RGS7: variants seen among roughly 807,000 people sequenced by gnomAD.
The protein encoded by RGS7 is regulator of G protein signaling 7.
In RGS7, 27 loss-of-function variants were observed where a neutral mutation model predicts 81.1. The observed-to-expected ratio is 0.33, with a 90% confidence interval of 0.25 to 0.46. The LOEUF (loss-of-function observed/expected upper bound fraction) is 0.46, where lower values mean the gene tolerates loss of function less well. RGS7 is among the 20% of genes least tolerant of loss of function. The probability of loss-of-function intolerance (pLI) is 1.00; values close to 1 mark genes in which losing one functional copy is unlikely to be tolerated. For synonymous variants in RGS7, 208 were observed against 207.7 expected, an observed-to-expected ratio of 1.00 and a Z score of -0.01; for missense variants, 396 against 607.4, an observed-to-expected ratio of 0.65 and a Z score of 3.66.
chr1:240,872,855 G>A (rs1157037895), intron 6 of RGS7, among the ~76,000 whole-genome samples: 1 of 152,130 alleles, frequency 6.6e-6, no homozygotes, highest in Non-Finnish European at 1.5e-5. Flanking sequence ...GAGATGGGTG[G>A]ATCACAAGGT....
intron 2 of RGS7, among the ~76,000 whole-genome samples, chr1:241,324,284 GA>G: frequency 6.6e-6 from 1 of 151,758 alleles, no homozygotes; most frequent in East Asian, 1.9e-4. Flanking sequence ...TTAAACCTTA[GA>G]TGTTTTGCCT....
intron 6 of RGS7, among the ~76,000 whole-genome samples, chr1:240,887,110 G>T (rs1667461945): frequency 6.6e-6 from 1 of 151,984 alleles, no homozygotes; most frequent in Admixed American, 6.5e-5. Context: ...GTAATGTATG[G>T]AATTACTAGA....
Position 240,821,482 on chromosome 1 carries a change from T to G in RGS7, c.685-5067A>C, listed in dbSNP as rs573173975. Among the ~76,000 whole-genome samples the G allele has an allele frequency of 2.0e-5, 3 of 152,254 alleles. No individual in the cohort carries two copies. The East Asian group carries it at 5.8e-4, about 29-fold the overall frequency. On this transcript the variant is annotated intron_variant, in intron 10 of 18. Coordinates refer to ENST00000440928, the MANE Select transcript of RGS7 (RefSeq NM_001364886.1). ...AAAAGAAAACTCCCCTCTTTATTCA[T>G]TTTCATTTGAGCAGTTTCTATTGCC... is the stretch of plus-strand genomic sequence containing the variant.
At chr1:241,213,377 G>A (rs1264575165) in intron 2 of RGS7, among the ~76,000 whole-genome samples, 1 of 152,124 alleles carries the variant, frequency 6.6e-6, no homozygotes, top group Non-Finnish European at 1.5e-5. Context: ...ATGTAAAAGC[G>A]AACCAAATAT....
chr1:241,273,023 G>A (rs1355525822), intron 2 of RGS7, among the ~76,000 whole-genome samples: 1 of 151,786 alleles, frequency 6.6e-6, no homozygotes, highest in Non-Finnish European at 1.5e-5. Flanking sequence ...TGTGTAATCT[G>A]TCCAATAATT....
rs2075504619 is a variant in RGS7 at position 241,229,219 on chromosome 1, CG to C, written c.78+126479del. Among the ~76,000 whole-genome samples the C allele has an allele frequency of 2.0e-5, 3 of 152,284 alleles. No homozygotes were observed. In the South Asian group the frequency reaches 6.2e-4, roughly 32 times the overall value. On this transcript the variant is annotated intron_variant, in intron 2 of 18. Coordinates refer to ENST00000440928, the MANE Select transcript of RGS7 (RefSeq NM_001364886.1). Reference sequence around the variant, plus strand: ...TGATAAAGCCAGAACAGATGGCCCACGGACTTCTGGTTCAGACCTTGCTCCC... The same window carrying C: ...TGATAAAGCCAGAACAGATGGCCCACGACTTCTGGTTCAGACCTTGCTCCC...
At chr1:241,037,247 T>C (rs1042409936) in intron 3 of RGS7, among the ~76,000 whole-genome samples, 4 of 152,166 alleles carry the variant, frequency 2.6e-5, no homozygotes, top group African/African-American at 9.7e-5. Context: ...AGACAAAACA[T>C]TTGTTAAGTC....
At chr1:241,067,686 T>C (rs1022523344) in intron 3 of RGS7, among the ~76,000 whole-genome samples, 3 of 151,914 alleles carry the variant, frequency 2.0e-5, no homozygotes, top group Non-Finnish European at 4.4e-5. Context: ...CAGCTAATTT[T>C]TTATTTTTAA....
intron 3 of RGS7, among the ~76,000 whole-genome samples, chr1:241,039,890 T>A (rs2060520103): frequency 6.6e-6 from 1 of 152,222 alleles, no homozygotes; most frequent in South Asian, 2.1e-4. Flanking sequence ...ACATGTTCAA[T>A]AAATAAACCT....
rs543477133 is a variant in RGS7 at position 241,190,063 on chromosome 1, A to C, written c.79-91301T>G. ...GCTTGCAGTGAGCCGAGATGGCGCC[A>C]CTGCACTCCAGCCTGGGCGACAGAG... On this transcript the variant is annotated intron_variant, in intron 2 of 18. Coordinates refer to ENST00000440928, the MANE Select transcript of RGS7 (RefSeq NM_001364886.1). 5.9e-3 allele frequency among the ~76,000 whole-genome samples: 894 copies of C among 152,208 alleles called. 12 individuals carry two copies. The highest frequency in any genetic ancestry group is 0.019 in the African/African-American group (784 of 41,514).
At chr1:241,073,911 T>A (rs1029382693) in intron 3 of RGS7, among the ~76,000 whole-genome samples, 2 of 152,062 alleles carry the variant, frequency 1.3e-5, no homozygotes, top group Non-Finnish European at 2.9e-5. Flanking sequence ...GTTCCTTTTT[T>A]TTTTTTTTTG....
chr1:240,961,119 A>G (rs997643515), intron 4 of RGS7, among the ~76,000 whole-genome samples: 2 of 152,210 alleles, frequency 1.3e-5, no homozygotes, highest in Non-Finnish European at 2.9e-5. Context: ...TAAAAGTAAT[A>G]AAAATTATCT....
intron 18 of RGS7, among the ~76,000 whole-genome samples, chr1:240,785,894 C>A (rs1021862569): frequency 2.0e-5 from 3 of 152,000 alleles, no homozygotes; most frequent in Non-Finnish European, 4.4e-5. Context: ...TGGGTGAGTT[C>A]CTAGAATGTT....
At chr1:241,028,812 T>C (rs1199775452) in intron 3 of RGS7, among the ~76,000 whole-genome samples, 1 of 152,114 alleles carries the variant, frequency 6.6e-6, no homozygotes, top group African/African-American at 2.4e-5. Flanking sequence ...TGAGGCAGGA[T>C]GAGCTACATC....
intron 4 of RGS7, among the ~76,000 whole-genome samples, chr1:240,980,704 A>C (rs1572102713): frequency 6.6e-6 from 1 of 152,328 alleles, no homozygotes; most frequent in South Asian, 2.1e-4. Flanking sequence ...TTCCATGTGC[A>C]CAATCTGTTA....
At chr1:240,986,153 T>G (rs1010095299) in intron 3 of RGS7, among the ~76,000 whole-genome samples, 1 of 152,106 alleles carries the variant, frequency 6.6e-6, no homozygotes, top group African/African-American at 2.4e-5. Flanking sequence ...TATGTCACTT[T>G]TAGAGTTGCA....
rs368371300 is a variant in RGS7 at position 240,964,056 on chromosome 1, G to A, written c.226+19023C>T. On this transcript the variant is annotated intron_variant, in intron 4 of 18. Coordinates refer to ENST00000440928, the MANE Select transcript of RGS7 (RefSeq NM_001364886.1). ...AAAGGGATGAAACAACACTGAGGTG[G>A]TGAGAGAGGATGGGGTAAGAAGCAC... Among the ~76,000 whole-genome samples the A allele has an allele frequency of 1.2e-4, 19 of 152,278 alleles. No individual in the cohort carries two copies. The East Asian group carries it at 1.9e-3, about 15-fold the overall frequency.
chr1:241,132,694 T>A (rs968606181), intron 2 of RGS7, among the ~76,000 whole-genome samples: 1 of 152,148 alleles, frequency 6.6e-6, no homozygotes, highest in African/African-American at 2.4e-5. Context: ...ATCTCAAAGT[T>A]AAAAAATGGG....
intron 2 of RGS7, among the ~76,000 whole-genome samples, chr1:241,354,720 T>C (rs914953371): frequency 6.6e-6 from 1 of 152,250 alleles, no homozygotes; most frequent in African/African-American, 2.4e-5. Context: ...AACTCTTCAA[T>C]GGGCTTTTCT....
Sources: allele counts gnomAD v4.1 joint callset (sites outside exome capture counted in the v4.1 genomes callset), GRCh38; gene constraint gnomAD v4.1.1; transcripts MANE v1.5; gene names NCBI Gene and HGNC (gene_info 2026-07-23, HGNC 2026-07-21).